Variants in SORL1 observed in about 807,000 individuals in gnomAD.
SORL1 encodes sortilin-related receptor.
Under a neutral mutation model 273.7 loss-of-function variants are expected in SORL1, and 127 were observed. The ratio of observed to expected loss-of-function variants is 0.46; its 90% confidence interval spans 0.40 to 0.54. The LOEUF (loss-of-function observed/expected upper bound fraction) is 0.54, where lower values mean the gene tolerates loss of function less well. Ranked by LOEUF, SORL1 falls within the 20% of genes least tolerant of loss-of-function variation. SORL1 has a pLI of 0.00. For missense variants in SORL1, 2,494 were observed against 2,846.1 expected (o/e 0.88, Z 2.81); for synonymous variants, 1,031 against 1,067.4 (o/e 0.97, Z 0.66).
chr11:121,532,458 C>T lies in SORL1; in HGVS notation c.1597-6C>T. ...AGTGGTGTCACCATGGATTTTTCCT[C>T]TTCAGGCACTTCCTGGACCTCACTA... On this transcript the variant is annotated splice_region_variant and splice_polypyrimidine_tract_variant and intron_variant, in intron 11 of 47. Transcript: ENST00000260197. 6.2e-7 allele frequency: 1 copy of T among 1,613,980 alleles called. No homozygotes were observed. Among genetic ancestry groups the T allele is most frequent in the Non-Finnish European group, 8.5e-7 (1 of 1,179,916 alleles).
At chr11:121,615,119 C>A in intron 41 of SORL1, 64 bp downstream of exon 41, 1 of 1,333,644 alleles carries the variant, frequency 7.5e-7, no homozygotes, top group Non-Finnish European at 1.0e-6. Context: ...TACGCCACCA[C>A]ACAACTCCAG....
chr11:121,617,239 G>T (rs1179686827), intron 41 of SORL1, among the ~76,000 whole-genome samples: 1 of 152,236 alleles, frequency 6.6e-6, no homozygotes, highest in African/African-American at 2.4e-5. Context: ...ATCTAGCTAT[G>T]TTAATAGAGA....
intron 35 of SORL1, 139 bp from the exon 36 acceptor site, chr11:121,606,706 A>T (rs1468051104): frequency 1.2e-5 from 8 of 651,392 alleles, no homozygotes; most frequent in Non-Finnish European, 2.2e-5. Flanking sequence ...CAATGTGACG[A>T]CCAAGCTAGC....
In SORL1 at chr11:121,593,675, C is replaced by T. The variant is rs117085166; in HGVS notation, c.4370-1948C>T. Reference sequence around the variant, plus strand: ...TAGCCTTGTCAGGTGAATATGATGACGCAGTGGCCAAGGACACTGTGATGA... The same window carrying T: ...TAGCCTTGTCAGGTGAATATGATGATGCAGTGGCCAAGGACACTGTGATGA... On this transcript the variant is annotated intron_variant, in intron 31 of 47. Coordinates refer to ENST00000260197, the MANE Select transcript of SORL1 (RefSeq NM_003105.6). Among the ~76,000 whole-genome samples, 943 of 152,188 alleles carry T rather than the reference C, an allele frequency of 6.2e-3. 11 individuals are homozygous for T. The highest frequency in any genetic ancestry group is 0.027 in the South Asian group (129 of 4,812).
At chr11:121,526,352 C>A (rs1296928844) in intron 11 of SORL1, among the ~76,000 whole-genome samples, 1 of 152,154 alleles carries the variant, frequency 6.6e-6, no homozygotes, top group Non-Finnish European at 1.5e-5. Flanking sequence ...ACCAAATTAT[C>A]TTAATTTCCA....
At position 121,619,926 on chromosome 11, in the gene SORL1, G is replaced by A. The variant is rs763412260; in HGVS notation, c.5889+9G>A. On this transcript the variant is annotated intron_variant, in intron 43 of 47. Coordinates refer to ENST00000260197, the MANE Select transcript of SORL1 (RefSeq NM_003105.6). The stretch of plus-strand genomic sequence containing the variant: ...CTCCTGACCAGGACTTGGTGAGTGG[G>A]TTGGGCTTCCAGGCCTCTTTGTTTA... 6.2e-7 allele frequency: 1 copy of A among 1,610,124 alleles called. No homozygotes were observed. The highest frequency in any genetic ancestry group is 8.5e-7 in the Non-Finnish European group (1 of 1,177,376).
At chr11:121,520,621 A>G (rs1862025310) in intron 8 of SORL1, 36 bp from the exon 9 acceptor site, 3 of 1,399,928 alleles carry the variant, frequency 2.1e-6, no homozygotes, top group South Asian at 2.8e-5. Context: ...AGCAAATACC[A>G]ATTCAGGTTC....
At chr11:121,485,845 AT>A (rs1382543131) in intron 3 of SORL1, among the ~76,000 whole-genome samples, 1 of 152,222 alleles carries the variant, frequency 6.6e-6, no homozygotes, top group Non-Finnish European at 1.5e-5. Context: ...CTTTCAAAAC[AT>A]TTACTACCTT....
At chr11:121,567,167 C>A in intron 22 of SORL1, 54 bp downstream of exon 22, 19 of 1,481,576 alleles carry the variant, frequency 1.3e-5, no homozygotes, top group Non-Finnish European at 1.8e-5. Flanking sequence ...TTTCCTGCTC[C>A]CCGCCAGGGG....
chr11:121,563,174 T>G lies in SORL1; in HGVS notation c.3049+3517T>G, dbSNP rs568178836. Among the ~76,000 whole-genome samples, 1 of 152,362 alleles carries G rather than the reference T, an allele frequency of 6.6e-6. No individual in the cohort carries two copies. The highest frequency in any genetic ancestry group is 6.5e-5 in the Admixed American group (1 of 15,306). ...TTTAGTAAGTGGTAAGAATTTGCAC[T>G]GTGGCCCGTTGACTTCAAAGCCTGA... is the stretch of plus-strand genomic sequence containing the variant. On this transcript the variant is annotated intron_variant, in intron 21 of 47. Transcript: ENST00000260197. This position sits in a 1 kb window ranked among gnomAD's most constrained non-coding sequence, Gnocchi z 4.2.
rs116462163 is a variant in SORL1 at position 121,548,991 on chromosome 11, C to G, written c.2052-969C>G. Among the ~76,000 whole-genome samples the G allele has an allele frequency of 5.1e-3, 770 of 152,274 alleles. 6 individuals carry two copies. The highest frequency in any genetic ancestry group is 0.018 in the African/African-American group (737 of 41,554). Reference sequence around the variant, plus strand: ...GTAATTCATTGAATTATAGAATTTACAGGTTTGGAAGGGCCTTAGAACATT... The same window carrying G: ...GTAATTCATTGAATTATAGAATTTAGAGGTTTGGAAGGGCCTTAGAACATT... On this transcript the variant is annotated intron_variant, in intron 14 of 47. Transcript: ENST00000260197.
chr11:121,577,545 G>C, intron 25 of SORL1, 145 bp downstream of exon 25: 3 of 880,946 alleles, frequency 3.4e-6, no homozygotes, highest in Non-Finnish European at 3.3e-6. Context: ...CAAAGAGCTG[G>C]TCTTTGATGA....
At chr11:121,478,272 G>A (rs376225546) in intron 3 of SORL1, 29 bp downstream of exon 3, 218 of 1,604,198 alleles carry the variant, frequency 1.4e-4, no homozygotes, top group Non-Finnish European at 1.7e-4. Context: ...CTCCTGTCCC[G>A]ACTTCATGGG....
chr11:121,506,824 T>C (rs945439085), intron 6 of SORL1, among the ~76,000 whole-genome samples: 1 of 152,244 alleles, frequency 6.6e-6, no homozygotes, highest in African/African-American at 2.4e-5. Flanking sequence ...ACTACATATC[T>C]GCTATTTTGC....
At chr11:121,586,698 G>GTAGA (rs1430611079) in intron 27 of SORL1, among the ~76,000 whole-genome samples, 5 of 12,908 alleles carry the variant, frequency 3.9e-4, no homozygotes, top group Non-Finnish European at 1.9e-3. Context: ...TAGAGTGGGG[G>GTAGA]GGGGGGCGGG....
intron 39 of SORL1, chr11:121,611,417 T>C: frequency 3.1e-6 from 1 of 325,772 alleles, no homozygotes; most frequent in Non-Finnish European, 5.7e-6. Flanking sequence ...GGTTCACAGC[T>C]ACAGTGCAAA....
In SORL1 at chr11:121,496,989, C is replaced by T. The variant is rs1490147553; in HGVS notation, c.879C>T (p.Ile293=). The change falls in exon 6 of 48, where the codon ATC becomes ATT. Residue 293 remains isoleucine (I), a synonymous_variant. Transcript: ENST00000260197. The part of the protein sequence containing the change: ...FFQSRENQEV[I]LEEVRDFQLR... ...AGTCCCGGGAAAACCAGGAAGTGAT[C>T]CTTGAGGAAGTGAGAGATTTTCAGC... 5 of 1,614,090 alleles carry T rather than the reference C, an allele frequency of 3.1e-6. No individual in the cohort carries two copies. In the Admixed American group the frequency reaches 6.7e-5, roughly 22 times the overall value.
In SORL1 at chr11:121,567,234, GT is replaced by G. The variant is rs1386239527; in HGVS notation, c.3223+122del. On this transcript the variant is annotated intron_variant, in intron 22 of 47. Transcript: ENST00000260197. Reference sequence around the variant, plus strand: ...TTCGTGTTATTGGAAAAAGTCCAAGGTAAAAATCAAACCTACCAGATACTCA... The same window carrying G: ...TTCGTGTTATTGGAAAAAGTCCAAGGAAAAATCAAACCTACCAGATACTCA... 3.4e-6 allele frequency: 3 copies of G among 891,860 alleles called. No homozygotes were observed. In the East Asian group the frequency reaches 7.7e-5, roughly 23 times the overall value. 55.2% of individuals were successfully genotyped at this position (891,860 alleles called of 1,614,324 possible). A position where few individuals can be genotyped will look rare whatever the true frequency, so the allele number is the denominator to read the frequency against.
At position 121,591,081 on chromosome 11, in the gene SORL1, G is replaced by T. The variant is rs201868665; in HGVS notation, c.4294G>T (p.Val1432Leu). ...NYYRCSSGTC[V>L]MDTWVCDGYR... ...CTACCGCTGCAGCAGTGGGACCTGC[G>T]TGATGGACACCTGGGTGTGCGACGG... The change falls in exon 31 of 48, where the codon GTG (valine) becomes TTG (leucine). Residue 1432 changes from valine to leucine, a missense_variant. Transcript: ENST00000260197. The T allele has an allele frequency of 6.2e-7, 1 of 1,614,220 alleles. No individual in the cohort carries two copies. The highest frequency in any genetic ancestry group is 1.3e-5 in the African/African-American group (1 of 75,048).
Sources: allele counts gnomAD v4.1 joint callset (sites outside exome capture counted in the v4.1 genomes callset), GRCh38; gene constraint gnomAD v4.1.1; non-coding constraint Gnocchi (gnomAD v3.1); transcripts MANE v1.5; gene names NCBI Gene and HGNC (gene_info 2026-07-23, HGNC 2026-07-21).